Variants in NFIX observed in about 807,000 individuals in gnomAD.
NFIX encodes nuclear factor I X, also known as nuclear factor 1 X-type.
Under a neutral mutation model 53.3 loss-of-function variants are expected in NFIX, and 2 were observed. The ratio of observed to expected loss-of-function variants is 0.04; its 90% CI spans 0.02 to 0.12. The LOEUF is 0.12. Among genes scored for constraint, NFIX ranks in the 10% least tolerant of loss-of-function variants. The pLI is 1.00. For synonymous variants in NFIX, 244 were observed against 289.0 expected (o/e 0.84, Z 1.58); for missense variants, 310 against 674.5 (o/e 0.46, Z 5.99).
chr19:13,038,674 G>A (rs1238282133), intron 2 of NFIX, among the ~76,000 whole-genome samples: 2 of 152,266 alleles, frequency 1.3e-5, no homozygotes, highest in Non-Finnish European at 1.5e-5. Context: ...TGCCTGTTTA[G>A]TTTACTACCT....
At chr19:13,046,738 C>T (rs2015012151) in intron 2 of NFIX, among the ~76,000 whole-genome samples, 1 of 152,096 alleles carries the variant, frequency 6.6e-6, no homozygotes, top group South Asian at 2.1e-4. Flanking sequence ...CTTTTTGTGT[C>T]TGAGCATGTC....
rs1235644940 is a variant in NFIX, at chr19:13,068,687, C to T, written c.560-4360C>T. ...CGTTTCAAAGGCTTCTTCAGCAGAG[C>T]CCACTTGGGCCCATGCGGAGGGAGT... On this transcript the variant is annotated intron_variant, in intron 2 of 10. Transcript: ENST00000592199. This position sits in a 1 kb window ranked among gnomAD's most constrained non-coding sequence, Gnocchi z 4.2. Among the ~76,000 whole-genome samples the T allele has an allele frequency of 6.6e-6, 1 of 152,234 alleles. No homozygotes were observed. Among genetic ancestry groups the T allele is most frequent in the Non-Finnish European group, 1.5e-5 (1 of 68,048 alleles).
chr19:13,017,813 G>T (rs1433284176), intron 1 of NFIX, among the ~76,000 whole-genome samples: 1 of 152,224 alleles, frequency 6.6e-6, no homozygotes, highest in African/African-American at 2.4e-5. Context: ...CACTTTTTCA[G>T]TTCTTCTTCA....
chr19:13,075,417 C>T, intron 5 of NFIX, 118 bp from the exon 6 acceptor site: 2 of 1,133,740 alleles, frequency 1.8e-6, no homozygotes, highest in South Asian at 3.3e-5. Flanking sequence ...CTGCTGTCGG[C>T]CGGCACCACT....
intron 2 of NFIX, among the ~76,000 whole-genome samples, chr19:13,059,522 C>T (rs1464123990): frequency 1.3e-5 from 2 of 152,232 alleles, no homozygotes; most frequent in Non-Finnish European, 2.9e-5. Flanking sequence ...TCCCTCCTTC[C>T]AGGTTTTCTG....
intron 1 of NFIX, among the ~76,000 whole-genome samples, chr19:13,019,883 TG>T (rs1039851086): frequency 6.6e-6 from 1 of 152,046 alleles, no homozygotes; most frequent in African/African-American, 2.4e-5. Context: ...TTCTCTCCAA[TG>T]GGGGAAATAC....
Position 13,067,963 on chromosome 19 carries a change from G to A in NFIX, c.560-5084G>A, listed in dbSNP as rs1377204280. 6.6e-6 allele frequency among the ~76,000 whole-genome samples: 1 copy of A among 151,912 alleles called. No individual in the cohort carries two copies. Among genetic ancestry groups the A allele is most frequent in the Non-Finnish European group, 1.5e-5 (1 of 68,000 alleles). On this transcript the variant is annotated intron_variant, in intron 2 of 10. Coordinates refer to ENST00000592199, the MANE Select transcript of NFIX (RefSeq NM_001365902.3). This position sits in a 1 kb window ranked among gnomAD's most constrained non-coding sequence, Gnocchi z 4.2. ...TTCTAAAAATACAAAAAATTAGCTG[G>A]TCCTGGTGACAGGTGCCTGTAGTTC...
intron 8 of NFIX, among the ~76,000 whole-genome samples, chr19:13,085,380 C>G: frequency 6.6e-6 from 1 of 152,206 alleles, no homozygotes; most frequent in Non-Finnish European, 1.5e-5. Context: ...AGAGGCCGTC[C>G]TGTGGTTGCT....
intron 2 of NFIX, among the ~76,000 whole-genome samples, chr19:13,046,192 A>G (rs1257491973): frequency 6.6e-6 from 1 of 151,872 alleles, no homozygotes; most frequent in Non-Finnish European, 1.5e-5. Context: ...GACTCCCACT[A>G]CCAAGGAGTT....
At position 12,998,784 on chromosome 19, in the gene NFIX, C is replaced by G. The variant is rs2011562994; in HGVS notation, c.27+2920C>G. Among the ~76,000 whole-genome samples the G allele has an allele frequency of 6.6e-6, 1 of 152,180 alleles. No individual in the cohort carries two copies. Among genetic ancestry groups the G allele is most frequent in the Non-Finnish European group, 1.5e-5 (1 of 68,046 alleles). The stretch of plus-strand genomic sequence containing the variant: ...AACCGACGACTTGTGTTCACACTGT[C>G]ACACACACCCATTAACACACACGCA... On this transcript the variant is annotated intron_variant, in intron 1 of 10. Transcript: ENST00000592199. The surrounding 1 kb of genome is among the most constrained non-coding windows in gnomAD (Gnocchi z 4.4).
Position 13,090,358 on chromosome 19 carries a change from G to A in NFIX, c.1462G>A (p.Gly488Ser), listed in dbSNP as rs375287066. 8 of 1,613,946 alleles carry A rather than the reference G, an allele frequency of 5.0e-6. No individual in the cohort carries two copies. Among genetic ancestry groups the A allele is most frequent in the South Asian group, 4.4e-5 (4 of 91,080 alleles). Residue 488 changes from glycine to serine, a missense_variant, in exon 10 of 11, where the codon GGC (glycine) becomes AGC (serine). Gly to Ser is a moderately conservative substitution (Grantham distance 56, BLOSUM62 0). Coordinates refer to ENST00000592199, the MANE Select transcript of NFIX (RefSeq NM_001365902.3). This position sits in a 1 kb window ranked among gnomAD's most constrained non-coding sequence, Gnocchi z 6.6. ...NRFVSIGPRD[G>S]NFLNIPQQSQ... ...GTTTGTCAGCATCGGACCCCGGGAC[G>A]GCAACTTTCTGAACATCCCACAGCA... is the stretch of plus-strand genomic sequence containing the variant.
intron 1 of NFIX, among the ~76,000 whole-genome samples, chr19:13,018,632 G>A (rs192788247): frequency 2.6e-5 from 4 of 152,236 alleles, no homozygotes; most frequent in East Asian, 1.9e-4. Context: ...GCCCCTTCTC[G>A]TTGGCCCCCA....
At position 13,098,446 on chromosome 19, in the gene NFIX, T is replaced by A. The variant is rs2145558351; in HGVS notation, c.*3797T>A. On this transcript the variant is annotated 3_prime_UTR_variant, in exon 11 of 11. Transcript: ENST00000592199. ...GGCTAAGAAACGCAGTATATACGAG[T>A]ATCTCTATATATAGTACTAATGGAT... 1 of 151,906 alleles carries A rather than the reference T, an allele frequency of 6.6e-6. No individual in the cohort carries two copies. The highest frequency in any genetic ancestry group is 2.4e-5 in the African/African-American group (1 of 41,354). 9.4% of individuals were successfully genotyped at this position (151,906 alleles called of 1,614,324 possible). A position where few individuals can be genotyped will look rare whatever the true frequency, so the allele number is the denominator to read the frequency against.
chr19:13,029,601 T>C (rs1161500457), intron 2 of NFIX, among the ~76,000 whole-genome samples: 1 of 152,196 alleles, frequency 6.6e-6, no homozygotes, highest in Admixed American at 6.5e-5. Context: ...AGCTGGACTC[T>C]GCAGGCTGCG....
In NFIX at chr19:13,090,693, GA is replaced by G. The variant is rs759035934; in HGVS notation, c.1494+305del. Among the ~76,000 whole-genome samples, 2 of 152,248 alleles carry G rather than the reference GA, an allele frequency of 1.3e-5. No homozygotes were observed. The highest frequency in any genetic ancestry group is 2.9e-5 in the Non-Finnish European group (2 of 68,036). On this transcript the variant is annotated intron_variant, in intron 10 of 10. Coordinates refer to ENST00000592199, the MANE Select transcript of NFIX (RefSeq NM_001365902.3). The surrounding 1 kb of genome is among the most constrained non-coding windows in gnomAD (Gnocchi z 6.6). ...GCCAGGCCTGGTAGAAGCAAAGATG[GA>G]AGCCTGAGGCCCATCGGGAGGAGAA...
rs1030244839 is a variant in NFIX at position 13,068,578 on chromosome 19, C to T, written c.560-4469C>T. Among the ~76,000 whole-genome samples the T allele has an allele frequency of 2.0e-5, 3 of 152,198 alleles. No homozygotes were observed. The highest frequency in any genetic ancestry group is 7.2e-5 in the African/African-American group (3 of 41,438). ...CTGGTCTGGGCACTGCCAGAGGCCTCCAGCCCACAAGCTGTTGTTGCTGTG... is the reference window on the plus strand; with the variant it reads ...CTGGTCTGGGCACTGCCAGAGGCCTTCAGCCCACAAGCTGTTGTTGCTGTG... On this transcript the variant is annotated intron_variant, in intron 2 of 10. Coordinates refer to ENST00000592199, the MANE Select transcript of NFIX (RefSeq NM_001365902.3). This position sits in a 1 kb window ranked among gnomAD's most constrained non-coding sequence, Gnocchi z 4.2.
In NFIX at chr19:13,090,723, A is replaced by G. The variant is rs903790956; in HGVS notation, c.1494+333A>G. On this transcript the variant is annotated intron_variant, in intron 10 of 10. Transcript: ENST00000592199. The surrounding 1 kb of genome is among the most constrained non-coding windows in gnomAD (Gnocchi z 6.6). Reference sequence around the variant, plus strand: ...CTGAGGCCCATCGGGAGGAGAATAGAGTCTGCCTCACTGCTTTCACCTGCC... The same window carrying G: ...CTGAGGCCCATCGGGAGGAGAATAGGGTCTGCCTCACTGCTTTCACCTGCC... 2.6e-5 allele frequency among the ~76,000 whole-genome samples: 4 copies of G among 152,164 alleles called. No individual in the cohort carries two copies. Among genetic ancestry groups the G allele is most frequent in the Admixed American group, 1.3e-4 (2 of 15,284 alleles).
At position 13,028,045 on chromosome 19, in the gene NFIX, G is replaced by T. The variant is rs2013505384; in HGVS notation, c.559+2493G>T. Among the ~76,000 whole-genome samples the T allele has an allele frequency of 6.6e-6, 1 of 152,216 alleles. No individual in the cohort carries two copies. The highest frequency in any genetic ancestry group is 2.4e-5 in the African/African-American group (1 of 41,436). On this transcript the variant is annotated intron_variant, in intron 2 of 10. Coordinates refer to ENST00000592199, the MANE Select transcript of NFIX (RefSeq NM_001365902.3). This position sits in a 1 kb window ranked among gnomAD's most constrained non-coding sequence, Gnocchi z 4.2. The stretch of plus-strand genomic sequence containing the variant: ...CATCACTTGTTCCTCTTTGGAGTTG[G>T]GTTGGGTGGTCTTGAGATGGCACAG...
At chr19:13,087,907 G>A in intron 8 of NFIX, 82 bp from the exon 9 acceptor site, 1 of 1,503,392 alleles carries the variant, frequency 6.7e-7, no homozygotes, top group Non-Finnish European at 8.9e-7. Flanking sequence ...GCTCTCAGGA[G>A]CGAGCTGGCG....
Sources: allele counts gnomAD v4.1 joint callset (sites outside exome capture counted in the v4.1 genomes callset), GRCh38; gene constraint gnomAD v4.1.1; non-coding constraint Gnocchi (gnomAD v3.1); transcripts MANE v1.5; gene names NCBI Gene and HGNC (gene_info 2026-07-23, HGNC 2026-07-21).